The following ADGRL3 variants were observed in gnomAD, a reference collection of about 807,000 sequenced individuals.
The protein encoded by ADGRL3 is adhesion G protein-coupled receptor L3.
In ADGRL3, 62 loss-of-function variants were observed where a neutral mutation model predicts 153.5. That is an observed-to-expected ratio of 0.40 (90% confidence interval 0.33 to 0.50). ADGRL3 has a LOEUF of 0.50. ADGRL3 is among the 20% of genes least tolerant of loss of function. The pLI is 0.47. For synonymous variants in ADGRL3, 710 were observed against 672.5 expected (o/e 1.06, Z -0.86); for missense variants, 1,641 against 1,859.4 (o/e 0.88, Z 2.16).
Position 61,711,466 on chromosome 4 carries a change from A to C in ADGRL3, c.584-19156A>C, listed in dbSNP as rs967781800. Among the ~76,000 whole-genome samples, 141 of 83,658 alleles carry C rather than the reference A, an allele frequency of 1.7e-3. 1 individual carries two copies. Among genetic ancestry groups the C allele is most frequent in the African/African-American group, 6.3e-3 (128 of 20,258 alleles). The allele number at this position is 83,658 out of a possible 152,430, so 54.9% of individuals were successfully genotyped here. Reference sequence around the variant, plus strand: ...TTAAAACATATGCTTCATTATATATATATATATATATATATATATATATAT... The same window carrying C: ...TTAAAACATATGCTTCATTATATATCTATATATATATATATATATATATAT... On this transcript the variant is annotated intron_variant, in intron 6 of 26. Transcript: ENST00000683033.
chr4:61,549,157 A>G (rs2098728764), intron 4 of ADGRL3, among the ~76,000 whole-genome samples: 1 of 152,002 alleles, frequency 6.6e-6, no homozygotes, highest in South Asian at 2.1e-4. Flanking sequence ...GTATATAGGT[A>G]TGCTACTGAT....
At chr4:61,372,506 G>T (rs2096546604) in intron 1 of ADGRL3, among the ~76,000 whole-genome samples, 1 of 152,180 alleles carries the variant, frequency 6.6e-6, no homozygotes, top group African/African-American at 2.4e-5. Flanking sequence ...GTGTCAGTGT[G>T]CCCCTGCTCA....
At chr4:61,596,698 A>C (rs1357096370) in intron 5 of ADGRL3, among the ~76,000 whole-genome samples, 2 of 152,096 alleles carry the variant, frequency 1.3e-5, no homozygotes, top group Non-Finnish European at 2.9e-5. Context: ...ACCAAAAATT[A>C]AATTAAATAA....
intron 2 of ADGRL3, among the ~76,000 whole-genome samples, chr4:61,452,764 G>T (rs1047427406): frequency 6.6e-6 from 1 of 152,070 alleles, no homozygotes; most frequent in Non-Finnish European, 1.5e-5. Context: ...AAATTCTCAT[G>T]ATTTACTTTC....
chr4:61,328,263 G>A (rs1463339386), intron 1 of ADGRL3, among the ~76,000 whole-genome samples: 2 of 152,164 alleles, frequency 1.3e-5, no homozygotes, highest in East Asian at 3.8e-4. Context: ...AATCTATTGA[G>A]TGAATAGGCC....
intron 6 of ADGRL3, among the ~76,000 whole-genome samples, chr4:61,728,205 C>G (rs1433984325): frequency 6.6e-6 from 1 of 151,972 alleles, no homozygotes; most frequent in African/African-American, 2.4e-5. Flanking sequence ...GAGCTACAGC[C>G]AGTCATGACA....
At chr4:61,450,584 A>G (rs1187209609) in intron 2 of ADGRL3, among the ~76,000 whole-genome samples, 3 of 152,094 alleles carry the variant, frequency 2.0e-5, no homozygotes, top group Admixed American at 2.0e-4. Flanking sequence ...ATTCATTTTT[A>G]TTTGTTCTGT....
rs528840458 is a variant in ADGRL3, at chr4:61,887,430, T to A, written c.1481-5226T>A. On this transcript the variant is annotated intron_variant, in intron 9 of 26. Coordinates refer to ENST00000683033, the MANE Select transcript of ADGRL3 (RefSeq NM_001387552.1). ...AATGCCTGTTTAGTTACTACTTGTATGATTATAATTCACTTACTAGTTAAG... is the reference window on the plus strand; with the variant it reads ...AATGCCTGTTTAGTTACTACTTGTAAGATTATAATTCACTTACTAGTTAAG... Among the ~76,000 whole-genome samples the A allele has an allele frequency of 2.6e-5, 4 of 152,340 alleles. No homozygotes were observed. The South Asian group carries it at 8.3e-4, about 32-fold the overall frequency.
intron 19 of ADGRL3, among the ~76,000 whole-genome samples, chr4:61,984,549 A>G (rs1581746062): frequency 6.6e-6 from 1 of 152,306 alleles, no homozygotes; most frequent in East Asian, 1.9e-4. Flanking sequence ...CCTGGATGAC[A>G]GAGTGAGAAC....
intron 8 of ADGRL3, among the ~76,000 whole-genome samples, chr4:61,791,210 C>T (rs902121643): frequency 6.6e-6 from 1 of 152,182 alleles, no homozygotes; most frequent in Non-Finnish European, 1.5e-5. Flanking sequence ...TCCCTTCCAC[C>T]TATGAGCCTG....
intron 5 of ADGRL3, among the ~76,000 whole-genome samples, chr4:61,672,391 A>T (rs2095039192): frequency 6.6e-6 from 1 of 152,108 alleles, no homozygotes; most frequent in Non-Finnish European, 1.5e-5. Context: ...CGGGCTATCT[A>T]TTCTGTACCA....
At chr4:61,803,429 T>G (rs1415655861) in intron 8 of ADGRL3, among the ~76,000 whole-genome samples, 1 of 152,130 alleles carries the variant, frequency 6.6e-6, no homozygotes, top group Non-Finnish European at 1.5e-5. Context: ...TCTGAATATT[T>G]AATCTTGGAG....
intron 6 of ADGRL3, among the ~76,000 whole-genome samples, chr4:61,704,248 C>T (rs909928783): frequency 8.5e-5 from 13 of 152,204 alleles, no homozygotes; most frequent in Admixed American, 2.0e-4. Context: ...ATGAAGTGCC[C>T]TTCTGTGAGT....
At chr4:61,207,822 A>G (rs532508741) in intron 1 of ADGRL3, among the ~76,000 whole-genome samples, 1 of 152,266 alleles carries the variant, frequency 6.6e-6, no homozygotes, top group African/African-American at 2.4e-5. Context: ...AGAGTATAAA[A>G]GAGTCCTGGG....
At chr4:62,001,950 A>C (rs1053190829) in intron 21 of ADGRL3, among the ~76,000 whole-genome samples, 4 of 152,072 alleles carry the variant, frequency 2.6e-5, no homozygotes, top group African/African-American at 9.7e-5. Flanking sequence ...TCAGTTACCA[A>C]GTATTTGTTG....
intron 1 of ADGRL3, among the ~76,000 whole-genome samples, chr4:61,240,979 A>C (rs1374528753): frequency 1.3e-5 from 2 of 152,138 alleles, no homozygotes; most frequent in African/African-American, 4.8e-5. Flanking sequence ...CTCATTGAGC[A>C]CTTACTGTTT....
At chr4:61,833,572 G>A (rs913724676) in intron 9 of ADGRL3, among the ~76,000 whole-genome samples, 1 of 152,132 alleles carries the variant, frequency 6.6e-6, no homozygotes, top group African/African-American at 2.4e-5. Flanking sequence ...CACAAGATTA[G>A]ATGAGCCAGT....
intron 21 of ADGRL3, among the ~76,000 whole-genome samples, chr4:62,008,914 A>G (rs926145187): frequency 2.6e-5 from 4 of 152,102 alleles, no homozygotes; most frequent in Non-Finnish European, 5.9e-5. Flanking sequence ...TTATGTTTAC[A>G]TTTGTTTAGA....
intron 9 of ADGRL3, among the ~76,000 whole-genome samples, chr4:61,834,530 G>A (rs894864023): frequency 7.2e-5 from 11 of 152,260 alleles, no homozygotes; most frequent in Admixed American, 5.2e-4. Flanking sequence ...CTGAGGAATC[G>A]AAAGGCAGTT....
Sources: allele counts gnomAD v4.1 joint callset (sites outside exome capture counted in the v4.1 genomes callset), GRCh38; gene constraint gnomAD v4.1.1; transcripts MANE v1.5; gene names NCBI Gene and HGNC (gene_info 2026-07-23, HGNC 2026-07-21).